PCID2: variants seen among roughly 807,000 people sequenced by gnomAD.
The protein encoded by PCID2 is PCI domain-containing protein 2.
In PCID2, 41 loss-of-function variants were observed where a neutral mutation model predicts 61.3. The observed-to-expected ratio is 0.67, with a 90% CI of 0.52 to 0.87. The LOEUF (loss-of-function observed/expected upper bound fraction) is 0.87. Among genes scored for constraint, PCID2 ranks in the 40% least tolerant of loss-of-function variants. PCID2 has a pLI of 0.00. For missense variants in PCID2, 392 were observed against 493.4 expected (o/e 0.79, Z 1.95); for synonymous variants, 187 against 177.8 (o/e 1.05, Z -0.41).
intron 5 of PCID2, among the ~76,000 whole-genome samples, chr13:113,195,734 A>G (rs975198665): frequency 2.6e-5 from 4 of 152,172 alleles, no homozygotes; most frequent in African/African-American, 9.7e-5. Context: ...GTATAAACAA[A>G]TTTCAGTATT....
At chr13:113,208,117 A>G in intron 1 of PCID2, 1 of 1,610,146 alleles carries the variant, frequency 6.2e-7, no homozygotes, top group Non-Finnish European at 8.5e-7. Flanking sequence ...GACAGCGAGG[A>G]CGAGGGGCAC....
intron 11 of PCID2, 55 bp from the exon 12 acceptor site, chr13:113,180,097 C>G (rs572550742): frequency 3.1e-6 from 5 of 1,613,478 alleles, no homozygotes; most frequent in Non-Finnish European, 4.2e-6. Context: ...AGAGCGTGCA[C>G]GTCAACTCTC....
the PCID2 span, among the ~76,000 whole-genome samples, chr13:113,170,064 C>T: frequency 2.6e-5 from 4 of 152,282 alleles, no homozygotes; most frequent in Admixed American, 1.3e-4. Flanking sequence ...TAGCTGAGAC[C>T]GTTGTTTCTT....
downstream of PCID2, among the ~76,000 whole-genome samples, chr13:113,175,355 G>T (rs547348632): frequency 1.3e-5 from 2 of 152,124 alleles, no homozygotes; most frequent in African/African-American, 4.8e-5. Context: ...GGTTCAATAC[G>T]TTACCCAGAA....
chr13:113,198,979 A>C (rs2039224556), intron 2 of PCID2, among the ~76,000 whole-genome samples: 1 of 152,180 alleles, frequency 6.6e-6, no homozygotes, highest in African/African-American at 2.4e-5. Context: ...TGCTGAGACC[A>C]CCAGTCTCAT....
chr13:113,207,665 T>G (rs2039995594), intron 1 of PCID2, among the ~76,000 whole-genome samples: 2 of 152,256 alleles, frequency 1.3e-5, no homozygotes, highest in South Asian at 4.1e-4. Flanking sequence ...AAGCAACTGC[T>G]GGGCCCAATC....
chr13:113,173,983 C>T (rs1226010126), downstream of PCID2, among the ~76,000 whole-genome samples: 1 of 151,900 alleles, frequency 6.6e-6, no homozygotes, highest in Non-Finnish European at 1.5e-5. Context: ...AATCCCAGCA[C>T]TTTGGGAGGC....
At chr13:113,185,680 T>G in intron 7 of PCID2, 120 bp from the exon 8 acceptor site, 1 of 615,238 alleles carries the variant, frequency 1.6e-6, no homozygotes, top group South Asian at 2.2e-5. Context: ...CAAGTCATAT[T>G]CATATCAACT....
At chr13:113,207,071 C>T (rs4907598) in intron 1 of PCID2, among the ~76,000 whole-genome samples, 107,450 of 152,164 alleles carry the variant, frequency 0.71, 38,679 homozygotes, top group Middle Eastern at 0.81. Flanking sequence ...CTGAAATACA[C>T]GAGCTGATGC....
At chr13:113,206,485 T>C (rs1325937499) in intron 1 of PCID2, among the ~76,000 whole-genome samples, 1 of 152,210 alleles carries the variant, frequency 6.6e-6, no homozygotes, top group African/African-American at 2.4e-5. Flanking sequence ...TAAAGGACTA[T>C]TTGCTGAGAC....
chr13:113,204,964 T>C (rs2039699907), intron 1 of PCID2, among the ~76,000 whole-genome samples: 1 of 152,198 alleles, frequency 6.6e-6, no homozygotes, highest in Non-Finnish European at 1.5e-5. Context: ...GGATGCTCCC[T>C]GGCTCTGGCC....
At chr13:113,203,040 G>A (rs2039546802) in intron 1 of PCID2, among the ~76,000 whole-genome samples, 1 of 152,214 alleles carries the variant, frequency 6.6e-6, no homozygotes, top group South Asian at 2.1e-4. Context: ...AATGTTGTTG[G>A]TGGCACTAGG....
downstream of PCID2, among the ~76,000 whole-genome samples, chr13:113,176,857 T>A (rs2037199605): frequency 3.3e-5 from 5 of 152,136 alleles, no homozygotes; most frequent in South Asian, 1.0e-3. Context: ...AAGAGAGCCC[T>A]CCCCAGAAGC....
chr13:113,196,984 G>A (rs1307828607), intron 4 of PCID2, 194 bp downstream of exon 4: 9 of 1,427,814 alleles, frequency 6.3e-6, no homozygotes, highest in Non-Finnish European at 7.9e-6. Flanking sequence ...ACTAAGTACT[G>A]CACGAGTCTT....
At chr13:113,170,755 G>T in the PCID2 span, among the ~76,000 whole-genome samples, 1 of 151,974 alleles carries the variant, frequency 6.6e-6, no homozygotes, top group Non-Finnish European at 1.5e-5. Context: ...GGCAAGGGAG[G>T]AAATCACAGC....
intron 1 of PCID2, among the ~76,000 whole-genome samples, chr13:113,206,086 CAG>C (rs1272063322): frequency 2.6e-5 from 4 of 152,210 alleles, no homozygotes; most frequent in African/African-American, 4.8e-5. Context: ...CTGGAGGAAA[CAG>C]AGAGTCAATG....
chr13:113,191,052 G>T, intron 6 of PCID2, 77 bp from the exon 7 acceptor site: 1 of 950,150 alleles, frequency 1.1e-6, no homozygotes, highest in Non-Finnish European at 1.6e-6. Context: ...GACTGCAGTG[G>T]CACAATCACA....
chr13:113,183,425 T>C (rs1328157132), intron 9 of PCID2, among the ~76,000 whole-genome samples: 1 of 151,754 alleles, frequency 6.6e-6, no homozygotes, highest in Non-Finnish European at 1.5e-5. Flanking sequence ...TTATGCTTCA[T>C]ATTAAGAGAA....
intron 1 of PCID2, chr13:113,200,773 C>T (rs562008373): frequency 2.0e-5 from 6 of 300,624 alleles, no homozygotes; most frequent in East Asian, 8.8e-5. Context: ...GTGGCGCAAT[C>T]GTAAACAATA....
Sources: allele counts gnomAD v4.1 joint callset (sites outside exome capture counted in the v4.1 genomes callset), GRCh38; gene constraint gnomAD v4.1.1; transcripts MANE v1.5; gene names NCBI Gene and HGNC (gene_info 2026-07-23, HGNC 2026-07-21).